Variants in TAF1B observed in about 807,000 individuals in gnomAD.
The protein encoded by TAF1B is TATA box-binding protein-associated factor RNA polymerase I subunit B.
Under a neutral mutation model 83.9 loss-of-function variants are expected in TAF1B, and 61 were observed. That is an observed-to-expected ratio of 0.73 (90% CI 0.59 to 0.90). TAF1B has a LOEUF of 0.90. Ranked by LOEUF, TAF1B falls within the 40% of genes least tolerant of loss-of-function variation. TAF1B has a pLI of 0.00. For synonymous variants in TAF1B, 221 were observed against 224.6 expected (o/e 0.98, Z 0.14); for missense variants, 625 against 677.0 (o/e 0.92, Z 0.85).
rs530928174 is a variant in TAF1B, at chr2:9,882,889, A to G, written c.807+84A>G. 699 of 990,620 alleles carry G rather than the reference A, an allele frequency of 7.1e-4. 2 individuals are homozygous for G. Among genetic ancestry groups the G allele is most frequent in the Middle Eastern group, 4.2e-3 (18 of 4,236 alleles). 61.4% of individuals were successfully genotyped at this position (990,620 alleles called of 1,614,324 possible). A position where few individuals can be genotyped will look rare whatever the true frequency, so the allele number is the denominator to read the frequency against. ...ATTTCTATTTCTTGCTTGACTTATTATTTGGTGTTTTGTGTTTTATCCCAA... is the reference window on the plus strand; with the variant it reads ...ATTTCTATTTCTTGCTTGACTTATTGTTTGGTGTTTTGTGTTTTATCCCAA... On this transcript the variant is annotated intron_variant, in intron 8 of 14. Transcript: ENST00000263663.
chr2:9,914,074 TTA>T lies in TAF1B; in HGVS notation c.1271+830_1271+831del, dbSNP rs1340995545. ...GTAAAATAGACATAATAATGCCCAC[TTA>T]TATACTGTAATTAAGACCCAATTTT... On this transcript the variant is annotated intron_variant, in intron 12 of 14. Transcript: ENST00000263663. This position sits in a 1 kb window ranked among gnomAD's most constrained non-coding sequence, Gnocchi z 4.3. 6.6e-6 allele frequency among the ~76,000 whole-genome samples: 1 copy of T among 152,214 alleles called. No individual in the cohort carries two copies. Among genetic ancestry groups the T allele is most frequent in the Non-Finnish European group, 1.5e-5 (1 of 68,030 alleles).
Position 9,851,665 on chromosome 2 carries a change from G to A in TAF1B, c.303+27G>A, listed in dbSNP as rs762517353. The A allele has an allele frequency of 3.8e-6, 6 of 1,566,552 alleles. No homozygotes were observed. The Admixed American group carries it at 7.4e-5, about 19-fold the overall frequency. On this transcript the variant is annotated intron_variant, in intron 4 of 14. Coordinates refer to ENST00000263663, the MANE Select transcript of TAF1B (RefSeq NM_005680.3). ...TAAGTACATTTGTGACTAGATGTTA[G>A]CTTTACATATTTTTGTTTAAAGAAC...
chr2:9,880,220 T>C (rs1664457375), intron 7 of TAF1B, among the ~76,000 whole-genome samples: 1 of 152,040 alleles, frequency 6.6e-6, no homozygotes, highest in South Asian at 2.1e-4. Flanking sequence ...TTCTAACCCA[T>C]CATAGATTGA....
intron 4 of TAF1B, among the ~76,000 whole-genome samples, chr2:9,853,058 G>T (rs116718312): frequency 0.015 from 2,299 of 152,252 alleles, 69 homozygotes; most frequent in African/African-American, 0.052. Flanking sequence ...GATAGTGGGG[G>T]GGTTGTGATC....
intron 8 of TAF1B, among the ~76,000 whole-genome samples, chr2:9,890,873 C>T (rs770444739): frequency 1.2e-4 from 19 of 152,152 alleles, no homozygotes; most frequent in Non-Finnish European, 2.4e-4. Context: ...CAGGTTCAAG[C>T]GATTCTCCTG....
At chr2:9,900,753 A>G (rs1665157103) in intron 8 of TAF1B, among the ~76,000 whole-genome samples, 1 of 152,138 alleles carries the variant, frequency 6.6e-6, no homozygotes, top group Non-Finnish European at 1.5e-5. Context: ...GGAGGTGTCA[A>G]GGATGTTCCT....
At chr2:9,876,933 C>G (rs1195331636) in intron 7 of TAF1B, among the ~76,000 whole-genome samples, 2 of 152,176 alleles carry the variant, frequency 1.3e-5, no homozygotes, top group African/African-American at 4.8e-5. Context: ...TTCATCATCA[C>G]CACCATCATC....
upstream of TAF1B, chr2:9,843,473 C>A: frequency 6.6e-7 from 1 of 1,512,280 alleles, no homozygotes. Context: ...GCTTCTCCAG[C>A]CTTTCCCGGA....
rs1248518663 is a variant in TAF1B at position 9,873,354 on chromosome 2, T to G, written c.554-2511T>G. Among the ~76,000 whole-genome samples the G allele has an allele frequency of 3.9e-5, 6 of 152,236 alleles. No individual in the cohort carries two copies. The East Asian group carries it at 1.2e-3, about 29-fold the overall frequency. ...ATTTTGAGGAGTTATTTTGAGACTT[T>G]GTGTTTAAGAAAGTGTAGCTTCTCA... On this transcript the variant is annotated intron_variant, in intron 6 of 14. Transcript: ENST00000263663.
intron 8 of TAF1B, among the ~76,000 whole-genome samples, chr2:9,900,458 C>T (rs1020925068): frequency 5.9e-5 from 9 of 152,232 alleles, no homozygotes; most frequent in Middle Eastern, 3.4e-3. Flanking sequence ...ATCACTTGAG[C>T]CCAGGAGGTC....
intron 2 of TAF1B, chr2:9,846,325 A>G: frequency 6.0e-6 from 2 of 332,814 alleles, no homozygotes; most frequent in Non-Finnish European, 1.2e-5. Flanking sequence ...TGGTGAACAC[A>G]CCTTCGGGCC....
chr2:9,849,082 T>G, intron 2 of TAF1B, among the ~76,000 whole-genome samples: 1 of 152,224 alleles, frequency 6.6e-6, no homozygotes, highest in Non-Finnish European at 1.5e-5. Flanking sequence ...ACTTTTAGTT[T>G]GGCTTGGTTT....
At chr2:9,922,439 A>T (rs1197644837) in intron 14 of TAF1B, among the ~76,000 whole-genome samples, 1 of 151,990 alleles carries the variant, frequency 6.6e-6, no homozygotes, top group Non-Finnish European at 1.5e-5. Context: ...CCTCCTGCCT[A>T]GAATGTTCTT....
chr2:9,874,621 C>T (rs1664265908), intron 6 of TAF1B, among the ~76,000 whole-genome samples: 1 of 152,094 alleles, frequency 6.6e-6, no homozygotes, highest in South Asian at 2.1e-4. Context: ...TCTCCCATTA[C>T]TAGAATATAA....
chr2:9,910,190 A>G (rs1429932312), intron 9 of TAF1B, among the ~76,000 whole-genome samples: 1 of 152,246 alleles, frequency 6.6e-6, no homozygotes, highest in Admixed American at 6.5e-5. Context: ...CAAGAGTCAC[A>G]AAGCTAGTGA....
chr2:9,843,490 G>A lies in TAF1B; in HGVS notation c.-52G>A, dbSNP rs1213201130. 4 of 1,516,428 alleles carry A rather than the reference G, an allele frequency of 2.6e-6. No individual in the cohort carries two copies. The highest frequency in any genetic ancestry group is 2.7e-6 in the Non-Finnish European group (3 of 1,126,802). 93.9% of individuals were successfully genotyped at this position (1,516,428 alleles called of 1,614,324 possible). On this transcript the variant is annotated 5_prime_UTR_variant, in exon 1 of 15. Coordinates refer to ENST00000263663, the MANE Select transcript of TAF1B (RefSeq NM_005680.3). The stretch of plus-strand genomic sequence containing the variant: ...TTCTCCAGCCTTTCCCGGAAGCTGC[G>A]CTCGCTACCCGGGTAACGGGTCCCG...
At chr2:9,907,044 G>GT (rs943874527) in intron 9 of TAF1B, among the ~76,000 whole-genome samples, 1 of 151,726 alleles carries the variant, frequency 6.6e-6, no homozygotes, top group Non-Finnish European at 1.5e-5. Flanking sequence ...TACCTGGCTA[G>GT]TTTTTTTTAT....
At chr2:9,882,958 A>AT (rs1160853934) in intron 8 of TAF1B, among the ~76,000 whole-genome samples, 153 bp downstream of exon 8, 1 of 152,150 alleles carries the variant, frequency 6.6e-6, no homozygotes. Context: ...GAATTTTATT[A>AT]TTTTTTATTT....
chr2:9,874,660 T>C (rs546032067), intron 6 of TAF1B, among the ~76,000 whole-genome samples: 1 of 152,342 alleles, frequency 6.6e-6, no homozygotes, highest in South Asian at 2.1e-4. Context: ...CATTATTCAC[T>C]TGTCATTTCC....
Sources: gnomAD v4.1 joint callset for allele counts (sites outside exome capture counted in the v4.1 genomes callset) on GRCh38, gnomAD v4.1.1 for gene constraint, Gnocchi (gnomAD v3.1) non-coding constraint, MANE v1.5 for transcripts, NCBI Gene and HGNC (gene_info 2026-07-23, HGNC 2026-07-21) for gene names.